The following ZNF385D variants were observed in gnomAD, a reference collection of about 807,000 sequenced individuals.
The protein encoded by ZNF385D is zinc finger protein 659.
In ZNF385D, 15 loss-of-function variants were observed where a neutral mutation model predicts 35.8. The ratio of observed to expected loss-of-function variants is 0.42; its 90% CI spans 0.28 to 0.64. ZNF385D has a LOEUF of 0.64. Ranked by LOEUF, ZNF385D falls within the 30% of genes least tolerant of loss-of-function variation. The pLI is 0.23. For synonymous variants in ZNF385D, 212 were observed against 186.8 expected, an observed-to-expected ratio of 1.13 and a Z score of -1.10; for missense variants, 474 against 494.6, an observed-to-expected ratio of 0.96 and a Z score of 0.39.
chr3:21,484,777 CCCAT>C (rs1704907260), intron 4 of ZNF385D, among the ~76,000 whole-genome samples: 1 of 152,106 alleles, frequency 6.6e-6, no homozygotes, highest in Non-Finnish European at 1.5e-5. Flanking sequence ...TCAAAAGAGT[CCCAT>C]CCTACAAGGC....
intron 3 of ZNF385D, among the ~76,000 whole-genome samples, chr3:21,794,098 C>T (rs951792783): frequency 1.8e-4 from 28 of 152,042 alleles, no homozygotes; most frequent in African/African-American, 5.8e-4. Context: ...ACAGTGTCAT[C>T]AAGAAAAACA....
At chr3:22,002,427 T>C (rs544066710) in intron 3 of ZNF385D, among the ~76,000 whole-genome samples, 7 of 152,222 alleles carry the variant, frequency 4.6e-5, no homozygotes, top group South Asian at 2.1e-4. Flanking sequence ...CAAGATTGAA[T>C]TGGTAGTAAA....
chr3:21,666,252 C>A (rs1374044645), intron 1 of ZNF385D, among the ~76,000 whole-genome samples: 1 of 152,180 alleles, frequency 6.6e-6, no homozygotes, highest in Admixed American at 6.5e-5. Flanking sequence ...ATAAATCCAA[C>A]CCTATGGAGC....
chr3:22,183,371 G>C (rs1262787849), intron 2 of ZNF385D, among the ~76,000 whole-genome samples: 1 of 151,886 alleles, frequency 6.6e-6, no homozygotes, highest in Non-Finnish European at 1.5e-5. Context: ...TTTAATTTGA[G>C]ATGGAGTCTC....
At chr3:22,237,539 C>T (rs893394000) in intron 2 of ZNF385D, among the ~76,000 whole-genome samples, 2 of 152,050 alleles carry the variant, frequency 1.3e-5, no homozygotes, top group Admixed American at 6.6e-5. Flanking sequence ...ATTTTGTTGC[C>T]TTTGCTTTTG....
intron 3 of ZNF385D, among the ~76,000 whole-genome samples, chr3:21,905,213 A>AAAAC (rs1216470434): frequency 6.7e-6 from 1 of 148,990 alleles, no homozygotes; most frequent in Non-Finnish European, 1.5e-5. Context: ...TCCAAAAAAA[A>AAAAC]AAAAAAAAAA....
At position 21,515,914 on chromosome 3, in the gene ZNF385D, A is replaced by G. The variant is rs142791320; in HGVS notation, c.277-4891T>C. Among the ~76,000 whole-genome samples the G allele has an allele frequency of 3.3e-3, 502 of 152,232 alleles. 1 individual carries two copies. Among genetic ancestry groups the G allele is most frequent in the Non-Finnish European group, 5.6e-3 (379 of 68,014 alleles). On this transcript the variant is annotated intron_variant, in intron 3 of 7. Transcript: ENST00000281523. ...GGTCACAAGATTTGTGACTTCCCCAATTGCTCCTATAGATAACATCACTAT... is the reference window on the plus strand; with the variant it reads ...GGTCACAAGATTTGTGACTTCCCCAGTTGCTCCTATAGATAACATCACTAT...
chr3:21,619,605 G>C (rs887587494), intron 2 of ZNF385D, among the ~76,000 whole-genome samples: 1 of 152,090 alleles, frequency 6.6e-6, no homozygotes, highest in Non-Finnish European at 1.5e-5. Flanking sequence ...ATTATAGAGA[G>C]AGACTCTTCC....
intron 3 of ZNF385D, among the ~76,000 whole-genome samples, chr3:21,561,748 T>G (rs1178473320): frequency 6.6e-6 from 1 of 152,188 alleles, no homozygotes; most frequent in South Asian, 2.1e-4. Context: ...TTAATTAAAT[T>G]TACCATCTTA....
intron 2 of ZNF385D, among the ~76,000 whole-genome samples, chr3:22,183,062 A>G (rs562241729): frequency 1.2e-4 from 19 of 152,240 alleles, no homozygotes; most frequent in African/African-American, 4.1e-4. Flanking sequence ...AGCCTTAATA[A>G]AAGTCTTAAA....
chr3:22,281,770 A>C (rs1485914163), intron 2 of ZNF385D, among the ~76,000 whole-genome samples: 1 of 152,110 alleles, frequency 6.6e-6, no homozygotes, highest in South Asian at 2.1e-4. Context: ...TGATTTAGGA[A>C]GGATTCCCTC....
At chr3:21,713,410 G>C (rs546501211) in intron 1 of ZNF385D, among the ~76,000 whole-genome samples, 140 of 152,234 alleles carry the variant, frequency 9.2e-4, no homozygotes, top group Non-Finnish European at 1.7e-3. Flanking sequence ...TGTGGTGTCT[G>C]TTTTCTCTTC....
At chr3:22,305,195 G>A (rs1703137573) in intron 2 of ZNF385D, among the ~76,000 whole-genome samples, 2 of 151,930 alleles carry the variant, frequency 1.3e-5, no homozygotes, top group Admixed American at 1.3e-4. Flanking sequence ...AAAAGCAGAT[G>A]GTTTCTAAAT....
At chr3:21,495,354 A>G (rs1480165843) in intron 4 of ZNF385D, among the ~76,000 whole-genome samples, 2 of 152,244 alleles carry the variant, frequency 1.3e-5, no homozygotes, top group Admixed American at 1.3e-4. Context: ...AAAAAATAAC[A>G]TAAGTTCCAA....
At chr3:22,007,125 T>C (rs903206822) in intron 3 of ZNF385D, among the ~76,000 whole-genome samples, 2 of 152,262 alleles carry the variant, frequency 1.3e-5, no homozygotes, top group East Asian at 3.9e-4. Flanking sequence ...AAAAGTATTC[T>C]CAGAGAAGTT....
chr3:21,662,772 A>G (rs1024529773), intron 2 of ZNF385D, among the ~76,000 whole-genome samples: 7 of 152,194 alleles, frequency 4.6e-5, no homozygotes, highest in African/African-American at 7.2e-5. Flanking sequence ...AAAATCCATG[A>G]TGGAGGAAAA....
At chr3:22,046,818 A>G (rs367972409) in intron 3 of ZNF385D, among the ~76,000 whole-genome samples, 16 of 152,284 alleles carry the variant, frequency 1.1e-4, no homozygotes, top group Admixed American at 5.9e-4. Context: ...GTATTTGGAG[A>G]AACAATTTAT....
At chr3:21,760,517 C>T (rs1425123973) in intron 3 of ZNF385D, among the ~76,000 whole-genome samples, 2 of 152,138 alleles carry the variant, frequency 1.3e-5, no homozygotes, top group South Asian at 2.1e-4. Flanking sequence ...ATGAAGGTAA[C>T]CCTCACATTT....
At chr3:22,351,994 TC>T (rs1411825499) in intron 2 of ZNF385D, among the ~76,000 whole-genome samples, 3 of 152,150 alleles carry the variant, frequency 2.0e-5, no homozygotes, top group Non-Finnish European at 2.9e-5. Flanking sequence ...CTCATACCGT[TC>T]ATGTAGCCAA....
Sources: allele counts gnomAD v4.1 joint callset (sites outside exome capture counted in the v4.1 genomes callset), GRCh38; gene constraint gnomAD v4.1.1; transcripts MANE v1.5; gene names NCBI Gene and HGNC (gene_info 2026-07-23, HGNC 2026-07-21).